Variants in SCRN1 observed in about 807,000 individuals in gnomAD.
SCRN1 encodes the protein secernin 1.
Under a neutral mutation model 43.3 loss-of-function variants are expected in SCRN1, and 19 were observed. The observed-to-expected ratio is 0.44, with a 90% CI of 0.31 to 0.64. The LOEUF is 0.64. Among genes scored for constraint, SCRN1 ranks in the 30% least tolerant of loss-of-function variants. The probability of loss-of-function intolerance (pLI) is 0.09; values close to 1 mark genes in which losing one functional copy is unlikely to be tolerated. For synonymous variants in SCRN1, 183 were observed against 188.9 expected (o/e 0.97, Z 0.26); for missense variants, 447 against 524.1 (o/e 0.85, Z 1.44).
intron 2 of SCRN1, among the ~76,000 whole-genome samples, chr7:29,962,179 ATAAT>A (rs1159507207): frequency 2.0e-5 from 3 of 148,578 alleles, no homozygotes; most frequent in South Asian, 2.1e-4. Context: ...ATTAAATAAT[ATAAT>A]TATTTACATA....
At chr7:29,962,429 G>A (rs930549436) in intron 2 of SCRN1, among the ~76,000 whole-genome samples, 1 of 152,050 alleles carries the variant, frequency 6.6e-6, no homozygotes, top group Non-Finnish European at 1.5e-5. Context: ...GCTCACGCCT[G>A]TAATCCCAAC....
At chr7:29,943,916 G>C in intron 4 of SCRN1, 61 bp downstream of exon 4, 1 of 1,506,460 alleles carries the variant, frequency 6.6e-7, no homozygotes, top group Non-Finnish European at 9.2e-7. Flanking sequence ...GTACGTGCAG[G>C]CCACCCCATC....
chr7:29,927,958 T>TA (rs1787024469), intron 6 of SCRN1, among the ~76,000 whole-genome samples: 1 of 151,966 alleles, frequency 6.6e-6, no homozygotes. Flanking sequence ...CCGTTTCTAC[T>TA]AAAAATAAAA....
rs77986439 is a variant in SCRN1, at chr7:29,937,702, G to T, written c.740-981C>A. Among the ~76,000 whole-genome samples the T allele has an allele frequency of 3.4e-3, 523 of 152,194 alleles. 6 individuals are homozygous for T. The highest frequency in any genetic ancestry group is 0.012 in the African/African-American group (500 of 41,534). Reference sequence around the variant, plus strand: ...ATTCAGAGCCATTAGGACTGTTGGCGGTGACCACAGATAAATGGATAAACA... The same window carrying T: ...ATTCAGAGCCATTAGGACTGTTGGCTGTGACCACAGATAAATGGATAAACA... On this transcript the variant is annotated intron_variant, in intron 5 of 7. Transcript: ENST00000242059.
At chr7:29,984,867 C>T (rs1166569983) in intron 1 of SCRN1, among the ~76,000 whole-genome samples, 2 of 135,238 alleles carry the variant, frequency 1.5e-5, no homozygotes, top group East Asian at 2.0e-4. Flanking sequence ...TGCAGTGAGC[C>T]GAGATAGCAC....
chr7:29,950,104 C>T lies in SCRN1; in HGVS notation c.341+5075G>A, dbSNP rs1325964806. Among the ~76,000 whole-genome samples the T allele has an allele frequency of 6.6e-6, 1 of 152,216 alleles. No individual in the cohort carries two copies. The highest frequency in any genetic ancestry group is 1.5e-5 in the Non-Finnish European group (1 of 68,022). On this transcript the variant is annotated intron_variant, in intron 3 of 7. Coordinates refer to ENST00000242059, the MANE Select transcript of SCRN1 (RefSeq NM_014766.5). The surrounding 1 kb of genome is among the most constrained non-coding windows in gnomAD (Gnocchi z 4.5). ...GCTCCCAGGCACAGCTGCAGCTGCT[C>T]TGGACCTGGGCATCCCTGCACTCTC...
chr7:29,925,320 C>A (rs1313260941), intron 7 of SCRN1, among the ~76,000 whole-genome samples: 1 of 152,168 alleles, frequency 6.6e-6, no homozygotes, highest in Non-Finnish European at 1.5e-5. Flanking sequence ...CTGAATTCAT[C>A]TGGATTTATT....
rs116661709 is a variant in SCRN1, at chr7:29,947,189, G to T, written c.342-3010C>A. ...CCAAAGTGTGTGCTTTGTCCAGCTT[G>T]CTCTGGGCCTGGGAATTAGATGCTC... On this transcript the variant is annotated intron_variant, in intron 3 of 7. Transcript: ENST00000242059. 3,776 of 1,550,150 alleles carry T rather than the reference G, an allele frequency of 2.4e-3. 72 individuals are homozygous for T. In the African/African-American group the frequency reaches 0.046, roughly 19 times the overall value.
intron 6 of SCRN1, among the ~76,000 whole-genome samples, 188 bp from the exon 7 acceptor site, chr7:29,926,820 T>C (rs1255379876): frequency 6.6e-6 from 1 of 152,134 alleles, no homozygotes; most frequent in Non-Finnish European, 1.5e-5. Flanking sequence ...TTAGCAAAAC[T>C]GCAGCCATTT....
intron 2 of SCRN1, among the ~76,000 whole-genome samples, chr7:29,957,470 G>A (rs1788171306): frequency 6.6e-6 from 1 of 152,180 alleles, no homozygotes; most frequent in African/African-American, 2.4e-5. Context: ...AAATACTACA[G>A]AACTGATGGA....
chr7:29,926,604 C>T lies in SCRN1; in HGVS notation c.934G>A (p.Asp312Asn). 5 of 1,614,056 alleles carry T rather than the reference C, an allele frequency of 3.1e-6. No individual in the cohort carries two copies. The highest frequency in any genetic ancestry group is 4.2e-6 in the Non-Finnish European group (5 of 1,180,010). The change falls in exon 7 of 8, where the codon GAT becomes AAT. Residue 312 changes from aspartate to asparagine, a missense_variant. Asp to Asn is a conservative substitution (Grantham distance 23). Transcript: ENST00000242059. ...RSIFKPFIFV[D>N]DVKLVPKTQS... Reference sequence around the variant, plus strand: ...GTTTTGGGGACAAGTTTTACGTCATCAACAAAGATGAAAGGCTTGAATATG... The same window carrying T: ...GTTTTGGGGACAAGTTTTACGTCATTAACAAAGATGAAAGGCTTGAATATG...
At chr7:29,967,060 T>C (rs144948389) in intron 2 of SCRN1, among the ~76,000 whole-genome samples, 245 of 152,322 alleles carry the variant, frequency 1.6e-3, no homozygotes, top group African/African-American at 5.1e-3. Context: ...TCAGTTTATT[T>C]TGTGAAGCAC....
At chr7:29,957,103 A>G (rs1488606639) in intron 2 of SCRN1, among the ~76,000 whole-genome samples, 1 of 152,238 alleles carries the variant, frequency 6.6e-6, no homozygotes. Flanking sequence ...AGGTTTTTAA[A>G]AGGGCAGAAA....
At chr7:29,951,572 G>A (rs1449861429) in intron 3 of SCRN1, among the ~76,000 whole-genome samples, 4 of 152,082 alleles carry the variant, frequency 2.6e-5, no homozygotes, top group Non-Finnish European at 5.9e-5. Context: ...AGCTTCTATT[G>A]GCTACTCATT....
At chr7:29,986,717 A>ATTTTTTTTTTTTTTTTTTTTTTTT (rs553845779) in intron 1 of SCRN1, among the ~76,000 whole-genome samples, 2 of 99,852 alleles carry the variant, frequency 2.0e-5, no homozygotes, top group Non-Finnish European at 3.8e-5. Context: ...AATTTTTTTA[A>ATTTTTTTTTTTTTTTTTTTTTTTT]TTTTTTTTTT....
At chr7:29,969,743 G>C in intron 1 of SCRN1, 3 of 446,974 alleles carry the variant, frequency 6.7e-6, no homozygotes, top group Non-Finnish European at 1.4e-5. Flanking sequence ...TCCATGCTCA[G>C]AGTTTCCCTT....
At chr7:29,943,831 A>T in intron 4 of SCRN1, 146 bp downstream of exon 4, 1 of 720,510 alleles carries the variant, frequency 1.4e-6, no homozygotes, top group Non-Finnish European at 2.4e-6. Flanking sequence ...CCCAGAAATG[A>T]GAGGCATGCC....
intron 1 of SCRN1, among the ~76,000 whole-genome samples, chr7:29,970,436 A>C (rs1452723280): frequency 6.6e-6 from 1 of 151,572 alleles, no homozygotes; most frequent in Non-Finnish European, 1.5e-5. Flanking sequence ...CTCAAATATC[A>C]CTCTAGTACT....
In SCRN1 at chr7:29,968,993, C is replaced by G. The variant is rs750489506; in HGVS notation, c.75G>C (p.Gly25=). The change falls in exon 2 of 8, where the codon GGG becomes GGC. Residue 25 remains glycine (G), a synonymous_variant. Transcript: ENST00000242059. ...PRAKDGLVVF[G]KNSARPRDEV... ...CATCTCTGGGCCGGGCTGAATTTTT[C>G]CCAAATACCACCAGACCATCCTTAG... 4 of 1,614,032 alleles carry G rather than the reference C, an allele frequency of 2.5e-6. No individual in the cohort carries two copies. Among genetic ancestry groups the G allele is most frequent in the Non-Finnish European group, 2.5e-6 (3 of 1,179,992 alleles).
Sources: allele counts gnomAD v4.1 joint callset (sites outside exome capture counted in the v4.1 genomes callset), GRCh38; gene constraint gnomAD v4.1.1; non-coding constraint Gnocchi (gnomAD v3.1); transcripts MANE v1.5; gene names NCBI Gene and HGNC (gene_info 2026-07-23, HGNC 2026-07-21).